Variants in CHP1 observed in about 807,000 individuals in gnomAD.
The protein encoded by CHP1 is calcineurin B homologous protein 1.
Under a neutral mutation model 27.4 loss-of-function variants are expected in CHP1, and 11 were observed. That is an observed-to-expected ratio of 0.40 (90% CI 0.25 to 0.67). The LOEUF (loss-of-function observed/expected upper bound fraction) is 0.67. CHP1 is among the 30% of genes least tolerant of loss of function. The probability of loss-of-function intolerance (pLI) is 0.38; values close to 1 mark genes in which losing one functional copy is unlikely to be tolerated. For synonymous variants in CHP1, 89 were observed against 87.4 expected, an observed-to-expected ratio of 1.02 and a Z score of -0.10; for missense variants, 169 against 251.3, an observed-to-expected ratio of 0.67 and a Z score of 2.22.
chr15:41,278,034 T>A (rs1284736970), intron 5 of CHP1, among the ~76,000 whole-genome samples: 1 of 151,196 alleles, frequency 6.6e-6, no homozygotes, highest in African/African-American at 2.4e-5. Context: ...TAATCTTTTT[T>A]AACAAATTTT....
chr15:41,270,601 C>T lies in CHP1; in HGVS notation c.394C>T (p.Arg132Cys), dbSNP rs2047483834. 3 of 1,613,750 alleles carry T rather than the reference C, an allele frequency of 1.9e-6. No homozygotes were observed. Among genetic ancestry groups the T allele is most frequent in the Non-Finnish European group, 2.5e-6 (3 of 1,179,692 alleles). ...TTTGGATAAAGATGAAAAGATCTCC[C>T]GTGATGAGCTGTTACAGGTATGTGG... ...YDLDKDEKIS[R>C]DELLQVLRMM... The change falls in exon 5 of 7, where the codon CGT (arginine) becomes TGT (cysteine). Residue 132 changes from arginine (R) to cysteine (C), a missense_variant. Transcript: ENST00000334660.
At chr15:41,249,054 C>A (rs2047350340) in intron 2 of CHP1, among the ~76,000 whole-genome samples, 1 of 152,174 alleles carries the variant, frequency 6.6e-6, no homozygotes, top group African/African-American at 2.4e-5. Flanking sequence ...TGATCCAGTT[C>A]TCTCCAGCCT....
chr15:41,242,714 C>CAGGTGGATCACCTGAGGT (rs1228315035), intron 1 of CHP1, among the ~76,000 whole-genome samples: 8 of 152,064 alleles, frequency 5.3e-5, no homozygotes, highest in Non-Finnish European at 1.2e-4. Flanking sequence ...GAGGCTGAGG[C>CAGGTGGATCACCTGAGGT]AGGTGGATCA....
intron 5 of CHP1, among the ~76,000 whole-genome samples, chr15:41,274,817 G>C (rs2047511492): frequency 7.1e-6 from 1 of 140,596 alleles, no homozygotes; most frequent in African/African-American, 2.6e-5. Flanking sequence ...TTGAGATGGA[G>C]TCTCGCTCTG....
At chr15:41,272,833 G>T (rs1337426938) in intron 5 of CHP1, among the ~76,000 whole-genome samples, 1 of 152,096 alleles carries the variant, frequency 6.6e-6, no homozygotes. Flanking sequence ...TGGATCCCGA[G>T]GTCAGGAGAT....
chr15:41,249,214 CTA>C (rs1324026440), intron 2 of CHP1, among the ~76,000 whole-genome samples: 1 of 152,134 alleles, frequency 6.6e-6, no homozygotes, highest in Non-Finnish European at 1.5e-5. Flanking sequence ...GGGTCTGACT[CTA>C]TTGCCCAGGC....
intron 1 of CHP1, among the ~76,000 whole-genome samples, chr15:41,234,512 GGA>G (rs2047267366): frequency 2.0e-5 from 3 of 152,036 alleles, no homozygotes; most frequent in Admixed American, 1.3e-4. Context: ...GCTGTGCATT[GGA>G]ATTTGATGAT....
At chr15:41,279,243 C>T (rs956045971) in intron 6 of CHP1, 93 bp from the exon 7 acceptor site, 6 of 1,027,222 alleles carry the variant, frequency 5.8e-6, no homozygotes, top group Middle Eastern at 2.1e-4. Flanking sequence ...TTTTACTGCA[C>T]AGGAGGAAGG....
intron 2 of CHP1, among the ~76,000 whole-genome samples, chr15:41,244,844 T>C (rs766965118): frequency 9.9e-5 from 15 of 152,218 alleles, no homozygotes; most frequent in Non-Finnish European, 2.1e-4. Flanking sequence ...CAACCTTTCT[T>C]ATGCTGTGGT....
chr15:41,253,940 A>G (rs963335496), intron 2 of CHP1, among the ~76,000 whole-genome samples: 12 of 146,060 alleles, frequency 8.2e-5, no homozygotes, highest in African/African-American at 2.8e-4. Context: ...ACGTGCCACC[A>G]TGCCTGGCTA....
intron 5 of CHP1, among the ~76,000 whole-genome samples, chr15:41,276,115 C>T (rs1250596188): frequency 6.6e-6 from 1 of 151,924 alleles, no homozygotes; most frequent in African/African-American, 2.4e-5. Flanking sequence ...CTGTTGGGCA[C>T]CTGTAATCCC....
intron 2 of CHP1, among the ~76,000 whole-genome samples, chr15:41,253,272 C>CT (rs891081919): frequency 2.0e-5 from 3 of 151,364 alleles, no homozygotes; most frequent in Non-Finnish European, 2.9e-5. Flanking sequence ...GTTTAGGCCA[C>CT]TTTGGAGTAT....
At chr15:41,277,492 G>A (rs780837174) in intron 5 of CHP1, among the ~76,000 whole-genome samples, 2 of 151,902 alleles carry the variant, frequency 1.3e-5, no homozygotes, top group Admixed American at 6.6e-5. Flanking sequence ...AAAAAATTTT[G>A]AAAAATTAGC....
At chr15:41,272,612 G>A (rs112163286) in intron 5 of CHP1, among the ~76,000 whole-genome samples, 35,244 of 151,404 alleles carry the variant, frequency 0.23, 4,152 homozygotes, top group African/African-American at 0.27. Context: ...GTAGAGATGG[G>A]GTTTCGCCAT....
intron 5 of CHP1, among the ~76,000 whole-genome samples, chr15:41,277,606 G>A (rs540262406): frequency 1.9e-4 from 29 of 152,236 alleles, no homozygotes; most frequent in African/African-American, 6.7e-4. Context: ...TGGCCAACAT[G>A]GCGAAACCCC....
At chr15:41,277,982 T>G (rs890410473) in intron 5 of CHP1, among the ~76,000 whole-genome samples, 3 of 151,008 alleles carry the variant, frequency 2.0e-5, no homozygotes, top group Non-Finnish European at 4.4e-5. Context: ...AACAAATACT[T>G]ACATCTAAAC....
chr15:41,253,439 T>G (rs2047381219), intron 2 of CHP1, among the ~76,000 whole-genome samples: 1 of 149,174 alleles, frequency 6.7e-6, no homozygotes, highest in Non-Finnish European at 1.5e-5. Flanking sequence ...ATTTATTTAT[T>G]TATTTATTTA....
intron 4 of CHP1, among the ~76,000 whole-genome samples, chr15:41,269,824 A>G (rs574068146): frequency 1.3e-5 from 2 of 152,270 alleles, no homozygotes; most frequent in Admixed American, 1.3e-4. Context: ...GGGACAAGAC[A>G]TTCACATCCT....
intron 5 of CHP1, among the ~76,000 whole-genome samples, chr15:41,273,506 A>T (rs903650922): frequency 3.3e-5 from 5 of 151,908 alleles, no homozygotes; most frequent in African/African-American, 1.2e-4. Context: ...CTCAGCCTCC[A>T]GTGTAGCTGG....
Sources: gnomAD v4.1 joint callset for allele counts (sites outside exome capture counted in the v4.1 genomes callset) on GRCh38, gnomAD v4.1.1 for gene constraint, MANE v1.5 for transcripts, NCBI Gene and HGNC (gene_info 2026-07-23, HGNC 2026-07-21) for gene names.